Variants in AGO4 observed in about 807,000 individuals in gnomAD.
The protein encoded by AGO4 is protein argonaute-4.
Under a neutral mutation model 104.7 loss-of-function variants are expected in AGO4, and 33 were observed. The ratio of observed to expected loss-of-function variants is 0.32; its 90% CI spans 0.24 to 0.42. The LOEUF (loss-of-function observed/expected upper bound fraction) is 0.42. Ranked by LOEUF, AGO4 falls within the 10% of genes least tolerant of loss-of-function variation. The pLI, the probability that AGO4 is intolerant of heterozygous loss-of-function variation, is 1.00. For missense variants in AGO4, 711 were observed against 1,083.4 expected, an observed-to-expected ratio of 0.66 and a Z score of 4.83; for synonymous variants, 331 against 364.7, an observed-to-expected ratio of 0.91 and a Z score of 1.05.
In AGO4 at chr1:35,816,286, CA is replaced by C. The variant is rs1201522542; in HGVS notation, c.20-595del. 8.1e-4 allele frequency among the ~76,000 whole-genome samples: 123 copies of C among 152,236 alleles called. 1 individual carries two copies. The highest frequency in any genetic ancestry group is 2.9e-3 in the African/African-American group (121 of 41,540). ...CTAGCTATAGAGCTTTACTAATGCT[CA>C]TGCAAGATTTTATACTGTAGCCTAT... On this transcript the variant is annotated intron_variant, in intron 1 of 17. Transcript: ENST00000373210.
chr1:35,851,102 TA>T (rs761123104), intron 17 of AGO4, 49 bp downstream of exon 17: 61 of 1,512,718 alleles, frequency 4.0e-5, no homozygotes, highest in Admixed American at 1.1e-4. Flanking sequence ...AGTAGCATGT[TA>T]AAAAAAATGA....
rs1557550761 is a variant in AGO4 at position 35,817,011 on chromosome 1, A to C, written c.149A>C (p.Asp50Ala). ...ATAGATGTGTATCACTATGATGTGG[A>C]TATTAAGCCTGAAAAACGGCCTCGT... is the stretch of plus-strand genomic sequence containing the variant. Reference protein sequence around the residue: ...PKIDVYHYDVDIKPEKRPRRV... With the variant: ...PKIDVYHYDVAIKPEKRPRRV... Residue 50 changes from aspartate (D) to alanine (A), a missense_variant, in exon 2 of 18, where the codon GAT becomes GCT. This residue lies in a region of AGO4 where 308 missense variants were observed against 397.8 expected (regional missense o/e 0.77). Coordinates refer to ENST00000373210, the MANE Select transcript of AGO4 (RefSeq NM_017629.4). 1 of 1,613,326 alleles carries C rather than the reference A, an allele frequency of 6.2e-7. No individual in the cohort carries two copies. The highest frequency in any genetic ancestry group is 8.5e-7 in the Non-Finnish European group (1 of 1,179,648).
At position 35,826,756 on chromosome 1, in the gene AGO4, G is replaced by T; in HGVS notation, c.769G>T (p.Val257Phe). Reference protein sequence around the residue: ...KFTKEIRGLKVEVTHCGQMKR... With the variant: ...KFTKEIRGLKFEVTHCGQMKR... ...TTTAAAAAAAATTTCAGGTCTCAAA[G>T]TTGAGGTGACCCACTGTGGACAGAT... Residue 257 changes from valine (V) to phenylalanine (F), a missense_variant, in exon 7 of 18, where the codon GTT becomes TTT. Coordinates refer to ENST00000373210, the MANE Select transcript of AGO4 (RefSeq NM_017629.4). 1.9e-6 allele frequency: 3 copies of T among 1,614,032 alleles called. No homozygotes were observed. The highest frequency in any genetic ancestry group is 2.5e-6 in the Non-Finnish European group (3 of 1,179,968).
intron 11 of AGO4, 39 bp downstream of exon 11, chr1:35,832,609 C>G: frequency 6.2e-7 from 1 of 1,603,192 alleles, no homozygotes. Flanking sequence ...AATATCCCTT[C>G]CAGATATGAA....
chr1:35,818,345 C>T (rs1482437142), intron 2 of AGO4, among the ~76,000 whole-genome samples: 5 of 152,142 alleles, frequency 3.3e-5, no homozygotes, highest in East Asian at 1.9e-4. Context: ...AACAGCAGGC[C>T]GGGCGTGATG....
intron 17 of AGO4, among the ~76,000 whole-genome samples, chr1:35,851,466 C>T (rs560415675): frequency 5.9e-5 from 9 of 152,266 alleles, no homozygotes; most frequent in Admixed American, 6.5e-5. Flanking sequence ...GGAAAAATAC[C>T]CCAGAGTGAA....
chr1:35,813,758 AAAAAAG>A, intron 1 of AGO4, among the ~76,000 whole-genome samples: 1 of 151,740 alleles, frequency 6.6e-6, no homozygotes, highest in African/African-American at 2.4e-5. Flanking sequence ...CAAAAAAAGA[AAAAAAG>A]AAGAAGAAGA....
At chr1:35,821,625 T>C (rs1407141341) in intron 2 of AGO4, among the ~76,000 whole-genome samples, 1 of 152,180 alleles carries the variant, frequency 6.6e-6, no homozygotes, top group African/African-American at 2.4e-5. Context: ...GAAAAAGACT[T>C]TTATTCTAAA....
At chr1:35,832,242 A>G (rs940485071) in intron 10 of AGO4, 57 bp downstream of exon 10, 54 of 1,590,608 alleles carry the variant, frequency 3.4e-5, no homozygotes, top group Non-Finnish European at 4.4e-5. Flanking sequence ...AAAGAGAATA[A>G]TCCAGGGTTT....
intron 3 of AGO4, among the ~76,000 whole-genome samples, chr1:35,823,752 A>T (rs201607864): frequency 1.5e-3 from 226 of 147,176 alleles, no homozygotes; most frequent in African/African-American, 4.5e-3. Context: ...TATTATTATT[A>T]TTTTTTTTTT....
At chr1:35,834,258 A>G in intron 12 of AGO4, 84 bp downstream of exon 12, 2 of 1,210,862 alleles carry the variant, frequency 1.7e-6, no homozygotes, top group Non-Finnish European at 2.2e-6. Context: ...TGCTGCAGTC[A>G]CAAACCTCAA....
chr1:35,830,584 T>C (rs1644157214), intron 7 of AGO4, among the ~76,000 whole-genome samples: 1 of 152,240 alleles, frequency 6.6e-6, no homozygotes, highest in African/African-American at 2.4e-5. Flanking sequence ...TAAAAAAATT[T>C]CTCATCCAAG....
chr1:35,813,422 A>G (rs914026711), intron 1 of AGO4, among the ~76,000 whole-genome samples: 1 of 151,022 alleles, frequency 6.6e-6, no homozygotes, highest in African/African-American at 2.4e-5. Context: ...AAAAAAAAAA[A>G]GAATACTTTT....
intron 15 of AGO4, among the ~76,000 whole-genome samples, chr1:35,842,774 C>G (rs1644475336): frequency 6.6e-6 from 1 of 152,110 alleles, no homozygotes; most frequent in Non-Finnish European, 1.5e-5. Flanking sequence ...TGCACTCCAG[C>G]CTGCACAGAG....
At chr1:35,812,551 C>G (rs1643543948) in intron 1 of AGO4, among the ~76,000 whole-genome samples, 1 of 152,078 alleles carries the variant, frequency 6.6e-6, no homozygotes, top group African/African-American at 2.4e-5. Context: ...ATCCAAGTTT[C>G]TGTTTTCAAA....
intron 2 of AGO4, among the ~76,000 whole-genome samples, chr1:35,818,238 A>G (rs1643775397): frequency 6.6e-6 from 1 of 152,152 alleles, no homozygotes; most frequent in Non-Finnish European, 1.5e-5. Flanking sequence ...ATACCTAGAG[A>G]AAGTCTCACT....
At position 35,857,056 on chromosome 1, in the gene AGO4, TGTTTTAGGATCTG is replaced by T; in HGVS notation, c.*3454_*3466del. On this transcript the variant is annotated 3_prime_UTR_variant, in exon 18 of 18. Transcript: ENST00000373210. ...AAGCAGACATGTTCTATATGGTCTGTGTTTTAGGATCTGGTGCCCAGCCTCTATCAGAGCTTGC... is the reference window on the plus strand; with the variant it reads ...AAGCAGACATGTTCTATATGGTCTGTGTGCCCAGCCTCTATCAGAGCTTGC... The T allele has an allele frequency of 6.6e-6, 1 of 152,338 alleles. No homozygotes were observed. The highest frequency in any genetic ancestry group is 1.9e-4 in the East Asian group (1 of 5,188). 9.4% of individuals were successfully genotyped at this position (152,338 alleles called of 1,614,324 possible).
intron 15 of AGO4, among the ~76,000 whole-genome samples, chr1:35,846,489 C>G (rs575516393): frequency 6.6e-6 from 1 of 151,570 alleles, no homozygotes; most frequent in Admixed American, 6.6e-5. Flanking sequence ...CCCAGCTACT[C>G]GGGAGGCTGA....
chr1:35,847,930 G>T (rs1229791173), intron 15 of AGO4, among the ~76,000 whole-genome samples: 2 of 151,790 alleles, frequency 1.3e-5, no homozygotes, highest in Admixed American at 6.6e-5. Context: ...AATGTGCAGT[G>T]ATCAAATCAG....
Sources: allele counts gnomAD v4.1 joint callset (sites outside exome capture counted in the v4.1 genomes callset), GRCh38; gene constraint gnomAD v4.1.1; regional missense constraint gnomAD v4.1.1; transcripts MANE v1.5; gene names NCBI Gene and HGNC (gene_info 2026-07-23, HGNC 2026-07-21).